The following PIP5K1B variants were observed in gnomAD, a reference collection of about 807,000 sequenced individuals.
PIP5K1B encodes the protein phosphatidylinositol-4-phosphate 5-kinase type 1 beta, also known as phosphatidylinositol 4-phosphate 5-kinase type-1 beta.
PIP5K1B carries 42 observed loss-of-function variants against 67.0 expected under a neutral mutation model. The ratio of observed to expected loss-of-function variants is 0.63; its 90% confidence interval spans 0.49 to 0.81. The LOEUF (loss-of-function observed/expected upper bound fraction) is 0.81, where lower values mean the gene tolerates loss of function less well. Ranked by LOEUF, PIP5K1B falls within the 30% of genes least tolerant of loss-of-function variation. The probability of loss-of-function intolerance (pLI) is 0.00; values close to 1 mark genes in which losing one functional copy is unlikely to be tolerated. For missense variants in PIP5K1B, 459 were observed against 646.3 expected (o/e 0.71, Z 3.14); for synonymous variants, 214 against 231.4 (o/e 0.92, Z 0.68).
intron 4 of PIP5K1B, among the ~76,000 whole-genome samples, chr9:68,863,027 A>G (rs1012978232): frequency 2.6e-5 from 4 of 152,158 alleles, no homozygotes; most frequent in African/African-American, 9.7e-5. Flanking sequence ...TCTTTTCTAT[A>G]AAGTAAATGA....
At chr9:68,842,793 T>C (rs1821983466) in intron 4 of PIP5K1B, among the ~76,000 whole-genome samples, 2 of 152,232 alleles carry the variant, frequency 1.3e-5, no homozygotes, top group Admixed American at 6.5e-5. Context: ...GAATCCAAAA[T>C]GTCAATAGTG....
intron 1 of PIP5K1B, among the ~76,000 whole-genome samples, chr9:68,731,172 G>A (rs967005023): frequency 3.3e-5 from 5 of 152,208 alleles, no homozygotes; most frequent in African/African-American, 1.2e-4. Context: ...GTTCTAGAAC[G>A]CTTGATGTCT....
intron 2 of PIP5K1B, among the ~76,000 whole-genome samples, chr9:68,794,253 T>A (rs745760473): frequency 3.3e-5 from 5 of 152,140 alleles, no homozygotes; most frequent in Non-Finnish European, 5.9e-5. Context: ...ATTCTTGAGG[T>A]GAAAAAGGAA....
chr9:68,885,998 G>T (rs552995999), intron 6 of PIP5K1B, among the ~76,000 whole-genome samples: 1 of 152,166 alleles, frequency 6.6e-6, no homozygotes, highest in South Asian at 2.1e-4. Context: ...TAGCTAATGC[G>T]GTGAAACCCC....
intron 2 of PIP5K1B, among the ~76,000 whole-genome samples, chr9:68,777,734 C>T (rs1357588393): frequency 6.6e-6 from 1 of 152,170 alleles, no homozygotes; most frequent in East Asian, 1.9e-4. Flanking sequence ...TTTATCCAGA[C>T]ATGGACGAAC....
Position 68,977,085 on chromosome 9 carries a change from A to G in PIP5K1B, c.1503-14055A>G, listed in dbSNP as rs1181583508. Reference sequence around the variant, plus strand: ...TACCTAAGCCTCACCTCTGGGATCTACCTAAATATATTCTCTCTTAATTCC... The same window carrying G: ...TACCTAAGCCTCACCTCTGGGATCTGCCTAAATATATTCTCTCTTAATTCC... On this transcript the variant is annotated intron_variant, in intron 14 of 15. Coordinates refer to ENST00000265382, the MANE Select transcript of PIP5K1B (RefSeq NM_003558.4). Among the ~76,000 whole-genome samples, 4 of 152,186 alleles carry G rather than the reference A, an allele frequency of 2.6e-5. No homozygotes were observed. The East Asian group carries it at 7.7e-4, about 29-fold the overall frequency.
chr9:68,754,464 C>A (rs964726968), intron 2 of PIP5K1B, among the ~76,000 whole-genome samples: 17 of 152,052 alleles, frequency 1.1e-4, no homozygotes, highest in Non-Finnish European at 1.3e-4. Context: ...CCACCACGCC[C>A]GGCCGGTTCC....
intron 1 of PIP5K1B, among the ~76,000 whole-genome samples, chr9:68,708,548 C>T (rs917180914): frequency 4.7e-5 from 7 of 148,230 alleles, no homozygotes; most frequent in African/African-American, 1.7e-4. Flanking sequence ...GCCGCCCCCC[C>T]GCCCCTTTAG....
chr9:68,764,074 C>CTTTTTTTTT (rs72304177), intron 2 of PIP5K1B, among the ~76,000 whole-genome samples: 2 of 73,516 alleles, frequency 2.7e-5, no homozygotes, highest in Non-Finnish European at 5.1e-5. Flanking sequence ...ACTATAACTT[C>CTTTTTTTTT]TTTTTTTTTT....
intron 4 of PIP5K1B, among the ~76,000 whole-genome samples, chr9:68,824,748 G>A (rs1833897990): frequency 6.6e-6 from 1 of 152,150 alleles, no homozygotes; most frequent in African/African-American, 2.4e-5. Context: ...TTTACTGGCA[G>A]GTAAAAGCTC....
chr9:68,934,990 T>C lies in PIP5K1B; in HGVS notation c.1302T>C (p.Asp434=). Residue 434 remains aspartate, a synonymous_variant, in exon 13 of 16, where the codon GAT becomes GAC. Transcript: ENST00000265382. ...IVSSISQEWK[D]EKRDLLTEGQ... is the part of the protein sequence containing the mutation. The stretch of plus-strand genomic sequence containing the variant: ...CCTCAATTAGCCAGGAATGGAAGGA[T>C]GAGAAGCGGGATTTGCTGACTGAAG... The C allele has an allele frequency of 6.2e-7, 1 of 1,612,852 alleles. No homozygotes were observed. Among genetic ancestry groups the C allele is most frequent in the Non-Finnish European group, 8.5e-7 (1 of 1,178,928 alleles).
At chr9:68,947,022 A>G (rs1044215071) in intron 14 of PIP5K1B, among the ~76,000 whole-genome samples, 2 of 152,362 alleles carry the variant, frequency 1.3e-5, no homozygotes, top group African/African-American at 4.8e-5. Flanking sequence ...AAATAAAATA[A>G]CCAAGTGATT....
chr9:68,952,764 C>T (rs1185622967), intron 14 of PIP5K1B, among the ~76,000 whole-genome samples: 1 of 151,778 alleles, frequency 6.6e-6, no homozygotes, highest in Non-Finnish European at 1.5e-5. Context: ...GATTTCTGAT[C>T]TTCTGTAAAT....
At chr9:68,993,708 T>C (rs1475309086) in intron 15 of PIP5K1B, among the ~76,000 whole-genome samples, 3 of 152,210 alleles carry the variant, frequency 2.0e-5, no homozygotes, top group African/African-American at 7.2e-5. Flanking sequence ...CAGGAAAGCC[T>C]TTCAGAAAGA....
chr9:68,788,280 T>C, intron 2 of PIP5K1B: 1 of 587,330 alleles, frequency 1.7e-6, no homozygotes. Context: ...AAAGTGTTCA[T>C]GACTTTTCCC....
intron 14 of PIP5K1B, among the ~76,000 whole-genome samples, chr9:68,967,936 A>G (rs1829122874): frequency 2.9e-5 from 1 of 34,720 alleles, no homozygotes; most frequent in Non-Finnish European, 6.6e-5. Flanking sequence ...ACAGAATACC[A>G]GAAGGATTGC....
intron 2 of PIP5K1B, among the ~76,000 whole-genome samples, chr9:68,752,825 G>A (rs968402575): frequency 6.6e-6 from 1 of 152,152 alleles, no homozygotes; most frequent in South Asian, 2.1e-4. Context: ...GCCATATGGT[G>A]CAGATATTTC....
intron 4 of PIP5K1B, among the ~76,000 whole-genome samples, chr9:68,825,744 C>T (rs1833945576): frequency 6.6e-6 from 1 of 152,092 alleles, no homozygotes; most frequent in African/African-American, 2.4e-5. Context: ...GTGGGAGAGG[C>T]AAGACATGAA....
At chr9:68,989,094 CAAAAAAAAAAAAAA>C (rs71353097) in intron 14 of PIP5K1B, among the ~76,000 whole-genome samples, 2 of 55,984 alleles carry the variant, frequency 3.6e-5, no homozygotes, top group Non-Finnish European at 5.9e-5. Flanking sequence ...GACTCCGTCT[CAAAAAAAAAAAAAA>C]AAAAAAAAAA....
Sources: allele counts gnomAD v4.1 joint callset (sites outside exome capture counted in the v4.1 genomes callset), GRCh38; gene constraint gnomAD v4.1.1; transcripts MANE v1.5; gene names NCBI Gene and HGNC (gene_info 2026-07-23, HGNC 2026-07-21).